The following SDK2 variants were observed in gnomAD, a reference collection of about 807,000 sequenced individuals.
SDK2 encodes protein sidekick-2.
Under a neutral mutation model 253.9 loss-of-function variants are expected in SDK2, and 105 were observed. The ratio of observed to expected loss-of-function variants is 0.41; its 90% CI spans 0.35 to 0.49. The LOEUF (loss-of-function observed/expected upper bound fraction) is 0.49. SDK2 is among the 20% of genes least tolerant of loss of function. SDK2 has a pLI of 0.06. For missense variants in SDK2, 2,608 were observed against 3,003.0 expected (o/e 0.87, Z 3.07); for synonymous variants, 1,249 against 1,234.9 (o/e 1.01, Z -0.24).
chr17:73,406,275 G>A (rs1269918800), intron 18 of SDK2, among the ~76,000 whole-genome samples: 2 of 143,014 alleles, frequency 1.4e-5, no homozygotes, highest in South Asian at 2.2e-4. Context: ...ATGGAGTCTC[G>A]CTCTGTTGCC....
At chr17:73,588,045 C>T (rs2045625525) in intron 1 of SDK2, among the ~76,000 whole-genome samples, 1 of 152,126 alleles carries the variant, frequency 6.6e-6, no homozygotes, top group African/African-American at 2.4e-5. Flanking sequence ...GTCCCAGGAA[C>T]AGCTGAAACA....
chr17:73,378,192 T>A (rs1007715997), intron 36 of SDK2, among the ~76,000 whole-genome samples: 10 of 151,690 alleles, frequency 6.6e-5, no homozygotes, highest in Admixed American at 5.9e-4. Context: ...TCTGCCCCCC[T>A]GGCTCAAGCA....
intron 1 of SDK2, among the ~76,000 whole-genome samples, chr17:73,573,273 G>A (rs753458845): frequency 2.0e-5 from 3 of 152,188 alleles, no homozygotes; most frequent in Non-Finnish European, 4.4e-5. Flanking sequence ...TTGAGACAAT[G>A]ATGAGTCTAA....
In SDK2 at chr17:73,401,026, G is replaced by T. The variant is rs2063019975; in HGVS notation, c.2965C>A (p.Pro989Thr). 4 of 1,571,454 alleles carry T rather than the reference G, an allele frequency of 2.5e-6. No homozygotes were observed. The highest frequency in any genetic ancestry group is 3.5e-6 in the Non-Finnish European group (4 of 1,158,128). Residue 989 changes from proline (P) to threonine (T), a missense_variant, in exon 21 of 45, where the codon CCC becomes ACC. This residue lies in a region of SDK2 where 1,505 missense variants were observed against 1,859.1 expected (regional missense o/e 0.81). Transcript: ENST00000392650. ...CTTGAGAGTGGGCACTTACCTGGGG[G>T]CACCCCAGAGGAGATGGTGGAGGCG... is the stretch of plus-strand genomic sequence containing the variant. The part of the protein sequence containing the change: ...VSASTISSGV[P>T]PELPGPPTNL...
intron 18 of SDK2, among the ~76,000 whole-genome samples, chr17:73,411,670 C>G (rs1052546688): frequency 3.9e-5 from 6 of 152,046 alleles, no homozygotes; most frequent in Non-Finnish European, 7.4e-5. Context: ...TGGAATGACA[C>G]GAGAGAACCG....
chr17:73,455,156 G>A lies in SDK2; in HGVS notation c.479+750C>T, dbSNP rs1472665048. On this transcript the variant is annotated intron_variant, in intron 4 of 44. Transcript: ENST00000392650. This position sits in a 1 kb window ranked among gnomAD's most constrained non-coding sequence, Gnocchi z 5.0. The stretch of plus-strand genomic sequence containing the variant: ...GTCCTGTGTACACGCAGCCTGGGTA[G>A]ATCAGAAGGTGGTCTTCTGGAAGCA... 6.6e-6 allele frequency among the ~76,000 whole-genome samples: 1 copy of A among 152,186 alleles called. No individual in the cohort carries two copies. Among genetic ancestry groups the A allele is most frequent in the Non-Finnish European group, 1.5e-5 (1 of 68,028 alleles).
At position 73,503,120 on chromosome 17, in the gene SDK2, C is replaced by T. The variant is rs2063902960; in HGVS notation, c.224+4318G>A. On this transcript the variant is annotated intron_variant, in intron 2 of 44. Transcript: ENST00000392650. ...AAAGCCATGAAAGGTAGGAAAGAAA[C>T]AATAAGGAATAGTTCTAGATTTAAG... 2.0e-5 allele frequency among the ~76,000 whole-genome samples: 3 copies of T among 152,134 alleles called. No homozygotes were observed. The South Asian group carries it at 6.2e-4, about 32-fold the overall frequency.
chr17:73,367,797 C>G (rs534821782), intron 37 of SDK2, among the ~76,000 whole-genome samples: 1 of 152,334 alleles, frequency 6.6e-6, no homozygotes, highest in Non-Finnish European at 1.5e-5. Flanking sequence ...AGCCACCATG[C>G]CTGGCCCCTG....
chr17:73,425,147 G>A, intron 12 of SDK2, among the ~76,000 whole-genome samples: 1 of 152,168 alleles, frequency 6.6e-6, no homozygotes. Context: ...TTGAACCCGG[G>A]AAGTGGAGGT....
intron 18 of SDK2, among the ~76,000 whole-genome samples, chr17:73,411,971 T>TAC (rs2063130870): frequency 1.4e-5 from 1 of 72,954 alleles, no homozygotes; most frequent in African/African-American, 5.3e-5. Flanking sequence ...TATATATACG[T>TAC]ATATATATAT....
In SDK2 at chr17:73,337,046, T is replaced by C. The variant is rs941038941; in HGVS notation, c.*1541A>G. Reference sequence around the variant, plus strand: ...AGAACACTCCTTGGAGCAGATTGTGTATGTGTATGTGTGTGTGTGTGTGTG... The same window carrying C: ...AGAACACTCCTTGGAGCAGATTGTGCATGTGTATGTGTGTGTGTGTGTGTG... On this transcript the variant is annotated 3_prime_UTR_variant, in exon 45 of 45. Coordinates refer to ENST00000392650, the MANE Select transcript of SDK2 (RefSeq NM_001144952.2). 7 of 137,676 alleles carry C rather than the reference T, an allele frequency of 5.1e-5. No individual in the cohort carries two copies. Among genetic ancestry groups the C allele is most frequent in the African/African-American group, 2.0e-4 (7 of 35,778 alleles). The allele number at this position is 137,676 out of a possible 1,614,324, so 8.5% of individuals were successfully genotyped here.
intron 2 of SDK2, among the ~76,000 whole-genome samples, chr17:73,500,670 C>T (rs1369003584): frequency 6.9e-6 from 1 of 145,760 alleles, no homozygotes; most frequent in African/African-American, 2.5e-5. Flanking sequence ...TCCATCTCCT[C>T]CATCCATCCT....
In SDK2 at chr17:73,431,419, T is replaced by C; in HGVS notation, c.1480+83A>G. 1 of 1,372,528 alleles carries C rather than the reference T, an allele frequency of 7.3e-7. No homozygotes were observed. Among genetic ancestry groups the C allele is most frequent in the Non-Finnish European group, 9.9e-7 (1 of 1,008,276 alleles). The allele number at this position is 1,372,528 out of a possible 1,614,324, so 85.0% of individuals were successfully genotyped here. On this transcript the variant is annotated intron_variant, in intron 11 of 44. Transcript: ENST00000392650. The surrounding 1 kb of genome is among the most constrained non-coding windows in gnomAD (Gnocchi z 5.6). ...ACTGGTGGTATGAGCCTGTGCCCCG[T>C]AGCTGTCCTGAGTCCTCAGCACCTA...
intron 4 of SDK2, among the ~76,000 whole-genome samples, chr17:73,451,077 T>G (rs2063486934): frequency 6.6e-6 from 1 of 152,220 alleles, no homozygotes; most frequent in Admixed American, 6.5e-5. Flanking sequence ...GGAAGGGATG[T>G]GCACCGTTGC....
rs33992958 is a variant in SDK2 at position 73,375,230 on chromosome 17, CTTTTTTTTTTTTTTT to C, written c.4980+3932_4980+3946del. ...TCTCATTAAGTCCTTTCCTAACAAC[CTTTTTTTTTTTTTTT>C]TTTTTTTTTTTTTTTTGAGACAGTC... On this transcript the variant is annotated intron_variant, in intron 36 of 44. Transcript: ENST00000392650. Among the ~76,000 whole-genome samples, 20 of 58,580 alleles carry C rather than the reference CTTTTTTTTTTTTTTT, an allele frequency of 3.4e-4. No homozygotes were observed. The South Asian group carries it at 3.6e-3, about 11-fold the overall frequency. 38.4% of individuals were successfully genotyped at this position (58,580 alleles called of 152,430 possible).
chr17:73,374,269 C>T (rs78370738), intron 36 of SDK2, among the ~76,000 whole-genome samples: 3,123 of 144,576 alleles, frequency 0.022, 676 homozygotes, highest in African/African-American at 0.082. Flanking sequence ...TCTTGAACTC[C>T]AGACATGCAT....
At chr17:73,408,815 T>G (rs1282869824) in intron 18 of SDK2, among the ~76,000 whole-genome samples, 1 of 152,182 alleles carries the variant, frequency 6.6e-6, no homozygotes, top group Non-Finnish European at 1.5e-5. Flanking sequence ...TGAACTTCAT[T>G]TAGATCCTGA....
rs533539394 is a variant in SDK2, at chr17:73,481,606, G to A, written c.225-9388C>T. ...CCCTCTCCCCTCGCAGGACGTAGCC[G>A]GATCCCTCACCAACGCAGGACGGAA... On this transcript the variant is annotated intron_variant, in intron 2 of 44. Transcript: ENST00000392650. This position sits in a 1 kb window ranked among gnomAD's most constrained non-coding sequence, Gnocchi z 4.5. Among the ~76,000 whole-genome samples, 95 of 152,270 alleles carry A rather than the reference G, an allele frequency of 6.2e-4. No homozygotes were observed. The highest frequency in any genetic ancestry group is 1.8e-3 in the African/African-American group (73 of 41,556).
At chr17:73,448,609 C>T (rs1171908299) in intron 4 of SDK2, among the ~76,000 whole-genome samples, 2 of 151,910 alleles carry the variant, frequency 1.3e-5, no homozygotes, top group African/African-American at 4.8e-5. Context: ...TGTGATCTGC[C>T]CGCCTTGGCC....
Sources: allele counts gnomAD v4.1 joint callset (sites outside exome capture counted in the v4.1 genomes callset), GRCh38; gene constraint gnomAD v4.1.1; regional missense constraint gnomAD v4.1.1; non-coding constraint Gnocchi (gnomAD v3.1); transcripts MANE v1.5; gene names NCBI Gene and HGNC (gene_info 2026-07-23, HGNC 2026-07-21).